Variants in HPS1 observed in about 807,000 individuals in gnomAD.
HPS1 encodes HPS1 biogenesis of lysosomal organelles complex 3 subunit 1, also known as BLOC-3 complex member HPS1.
HPS1 carries 59 observed loss-of-function variants against 90.6 expected under a neutral mutation model. The ratio of observed to expected loss-of-function variants is 0.65; its 90% CI spans 0.53 to 0.81. HPS1 has a LOEUF of 0.81. Among genes scored for constraint, HPS1 ranks in the 30% least tolerant of loss-of-function variants. The pLI is 0.00. For missense variants in HPS1, 849 were observed against 896.7 expected, an observed-to-expected ratio of 0.95 and a Z score of 0.68; for synonymous variants, 388 against 384.4, an observed-to-expected ratio of 1.01 and a Z score of -0.11.
In HPS1 at chr10:98,423,748, C is replaced by T. The variant is rs199874645; in HGVS notation, c.1532+5G>A. ...TGGCCACCCAGGGGGCCGCACTGCA[C>T]TTACCGCATGAGCCTCTGCACTTGG... On this transcript the variant is annotated splice_donor_5th_base_variant and intron_variant, in intron 15 of 19. Coordinates refer to ENST00000361490, the MANE Select transcript of HPS1 (RefSeq NM_000195.5). 2.5e-3 allele frequency: 3,969 copies of T among 1,614,122 alleles called. 18 individuals carry two copies. The highest frequency in any genetic ancestry group is 2.4e-3 in the Non-Finnish European group (2,793 of 1,180,038).
At position 98,435,422 on chromosome 10, in the gene HPS1, C is replaced by A. The variant is rs201392725; in HGVS notation, c.256-8G>T. Reference sequence around the variant, plus strand: ...GAACAGGCATTCTCCAAACTGCAGGCACAGGCAGGCCAGTGTCAGCCAGCC... The same window carrying A: ...GAACAGGCATTCTCCAAACTGCAGGAACAGGCAGGCCAGTGTCAGCCAGCC... On this transcript the variant is annotated splice_region_variant and splice_polypyrimidine_tract_variant and intron_variant, in intron 4 of 19. Coordinates refer to ENST00000361490, the MANE Select transcript of HPS1 (RefSeq NM_000195.5). This position sits in a 1 kb window ranked among gnomAD's most constrained non-coding sequence, Gnocchi z 4.3. The A allele has an allele frequency of 1.2e-6, 2 of 1,613,780 alleles. No individual in the cohort carries two copies. Among genetic ancestry groups the A allele is most frequent in the Non-Finnish European group, 1.7e-6 (2 of 1,180,022 alleles).
At chr10:98,427,298 G>A in intron 10 of HPS1, 34 bp from the exon 11 acceptor site, 1 of 1,529,420 alleles carries the variant, frequency 6.5e-7, no homozygotes, top group South Asian at 1.2e-5. Context: ...AACGATGTAA[G>A]TACCATGAGA....
chr10:98,419,655 C>A (rs1386985622), intron 18 of HPS1, among the ~76,000 whole-genome samples: 6 of 152,220 alleles, frequency 3.9e-5, no homozygotes, highest in African/African-American at 1.4e-4. Context: ...GGGGCCTATG[C>A]TCTTGAGTTC....
rs1398688722 is a variant in HPS1, at chr10:98,435,737, T to A, written c.153A>T (p.Leu51=). ...TCATGGAGGAGATGATGACCGGGGC[T>A]AGGAGGGTGCTGAGCTGGTCCTCCA... ...PALEDQLSTL[L]APVIISSMTM... Residue 51 remains leucine, a synonymous_variant, in exon 4 of 20, where the codon CTA becomes CTT. Coordinates refer to ENST00000361490, the MANE Select transcript of HPS1 (RefSeq NM_000195.5). The surrounding 1 kb of genome is among the most constrained non-coding windows in gnomAD (Gnocchi z 4.3). 9 of 1,614,046 alleles carry A rather than the reference T, an allele frequency of 5.6e-6. No individual in the cohort carries two copies. The highest frequency in any genetic ancestry group is 7.6e-6 in the Non-Finnish European group (9 of 1,180,026).
chr10:98,439,274 C>T (rs928040318), intron 3 of HPS1, among the ~76,000 whole-genome samples: 2 of 152,164 alleles, frequency 1.3e-5, no homozygotes, highest in African/African-American at 2.4e-5. Flanking sequence ...CTCTAGCCCC[C>T]AGAATGGTAG....
chr10:98,419,523 C>A (rs528864587), intron 18 of HPS1, among the ~76,000 whole-genome samples: 1 of 152,092 alleles, frequency 6.6e-6, no homozygotes, highest in Non-Finnish European at 1.5e-5. Flanking sequence ...TAAGCTCCCC[C>A]CACTGGACCC....
At chr10:98,418,012 G>A (rs770329573) in intron 19 of HPS1, 163 bp downstream of exon 19, 9 of 648,568 alleles carry the variant, frequency 1.4e-5, no homozygotes, top group East Asian at 7.9e-5. Flanking sequence ...CTCCACACCC[G>A]TCCTCCCTCG....
chr10:98,439,241 G>A (rs902407825), intron 3 of HPS1, among the ~76,000 whole-genome samples: 3 of 152,206 alleles, frequency 2.0e-5, no homozygotes, highest in Non-Finnish European at 4.4e-5. Flanking sequence ...GCCTAGTGGA[G>A]CTGTAAGAAT....
chr10:98,418,312 T>A lies in HPS1; in HGVS notation c.1858-55A>T, dbSNP rs773304376. The A allele has an allele frequency of 2.2e-4, 220 of 1,015,768 alleles. 1 individual carries two copies. The highest frequency in any genetic ancestry group is 6.4e-4 in the Middle Eastern group (3 of 4,666). 62.9% of individuals were successfully genotyped at this position (1,015,768 alleles called of 1,614,324 possible). A position where few individuals can be genotyped will look rare whatever the true frequency, so the allele number is the denominator to read the frequency against. On this transcript the variant is annotated intron_variant, in intron 18 of 19. Transcript: ENST00000361490. ...TGTGGGGGTAGTGCAAGGGCCTGAG[T>A]CAGACGCACCGGGCTTGCGGCCTGG...
At chr10:98,429,429 C>A in intron 10 of HPS1, 144 bp downstream of exon 10, 1 of 1,551,210 alleles carries the variant, frequency 6.4e-7, no homozygotes, top group Non-Finnish European at 8.7e-7. Context: ...GAGCCGCAGA[C>A]AGCGTCCTGT....
Position 98,435,151 on chromosome 10 carries a change from C to G in HPS1, c.398+121G>C. ...GGTTCACTTGAGCTGTTTCTCTGAC[C>G]TAGGGACCCAGCTGGGGGCAGTATG... On this transcript the variant is annotated intron_variant, in intron 5 of 19. Transcript: ENST00000361490. This position sits in a 1 kb window ranked among gnomAD's most constrained non-coding sequence, Gnocchi z 4.3. The G allele has an allele frequency of 8.3e-7, 1 of 1,207,254 alleles. No homozygotes were observed. The highest frequency in any genetic ancestry group is 1.2e-6 in the Non-Finnish European group (1 of 821,232). 74.8% of individuals were successfully genotyped at this position (1,207,254 alleles called of 1,614,324 possible).
At chr10:98,423,391 G>A (rs904072586) in intron 16 of HPS1, among the ~76,000 whole-genome samples, 1 of 151,952 alleles carries the variant, frequency 6.6e-6, no homozygotes, top group African/African-American at 2.4e-5. Context: ...GGGACAGGAG[G>A]AATTCCTGAA....
chr10:98,422,079 A>T (rs959362423), intron 17 of HPS1, among the ~76,000 whole-genome samples: 2 of 152,176 alleles, frequency 1.3e-5, no homozygotes, highest in Admixed American at 1.3e-4. Context: ...TTGTCATGAA[A>T]AACAGTCAGT....
rs141300497 is a variant in HPS1 at position 98,424,857 on chromosome 10, C to A, written c.1336-483G>T. Among the ~76,000 whole-genome samples the A allele has an allele frequency of 4.3e-3, 654 of 152,300 alleles. 6 individuals carry two copies. The highest frequency in any genetic ancestry group is 0.015 in the African/African-American group (634 of 41,566). ...CCCTGAGGCACTGCGGGATGTGGCACTGCCTCCTCCAGCCAATCCTGCAGC... is the reference window on the plus strand; with the variant it reads ...CCCTGAGGCACTGCGGGATGTGGCAATGCCTCCTCCAGCCAATCCTGCAGC... On this transcript the variant is annotated intron_variant, in intron 13 of 19. Transcript: ENST00000361490.
intron 16 of HPS1, among the ~76,000 whole-genome samples, chr10:98,422,833 G>C (rs1012845720): frequency 1.3e-5 from 2 of 152,228 alleles, no homozygotes; most frequent in Non-Finnish European, 2.9e-5. Flanking sequence ...TGGAGTGTGA[G>C]CACAGCCACT....
At chr10:98,420,969 AG>A (rs1844775296) in intron 17 of HPS1, among the ~76,000 whole-genome samples, 1 of 152,196 alleles carries the variant, frequency 6.6e-6, no homozygotes, top group Non-Finnish European at 1.5e-5. Context: ...ATGGAAACAC[AG>A]GGCCTGAGAA....
In HPS1 at chr10:98,420,103, A is replaced by T. The variant is rs1050404635; in HGVS notation, c.1799T>A (p.Leu600Gln). ...GTAGAAATCCCCCTCCTGGAACAGC[A>T]GCGTGGTGTAGCCCTTCTGCAGGTA... ...RRYLQKGYTT[L>Q]LFQEGDFYCS... Residue 600 changes from leucine (L) to glutamine (Q), a missense_variant, in exon 18 of 20, where the codon CTG (leucine) becomes CAG (glutamine). By Grantham distance (113) the Leu-to-Gln change is moderately radical. Transcript: ENST00000361490. 1 of 1,614,132 alleles carries T rather than the reference A, an allele frequency of 6.2e-7. No homozygotes were observed. The highest frequency in any genetic ancestry group is 8.5e-7 in the Non-Finnish European group (1 of 1,179,986).
At chr10:98,443,267 C>A (rs139915188) in intron 2 of HPS1, 27 bp from the exon 3 acceptor site, 119 of 1,545,592 alleles carry the variant, frequency 7.7e-5, no homozygotes, top group Middle Eastern at 3.4e-4. Context: ...AGGTCAAGGT[C>A]AGCCTCCAGC....
chr10:98,435,651 AG>A lies in HPS1; in HGVS notation c.238del (p.Leu80CysfsTer44), dbSNP rs1453977337. The A allele has an allele frequency of 6.2e-7, 1 of 1,614,212 alleles. No individual in the cohort carries two copies. The highest frequency in any genetic ancestry group is 8.5e-7 in the Non-Finnish European group (1 of 1,180,034). Reference protein sequence around the residue: ...TCFSTENGNFLYVLHLFGECL... With the variant: ...TCFSTENGNFXYVLHLFGECL... ...TAGACTCACCAGGTGAAGGACATAC[AG>A]GAAGTTGCCATTTTCCGTGGAGAAG... On this transcript the variant is annotated frameshift_variant, in exon 4 of 20. Coordinates refer to ENST00000361490, the MANE Select transcript of HPS1 (RefSeq NM_000195.5). LOFTEE classifies it high-confidence loss of function. The surrounding 1 kb of genome is among the most constrained non-coding windows in gnomAD (Gnocchi z 4.3).
Sources: gnomAD v4.1 joint callset for allele counts (sites outside exome capture counted in the v4.1 genomes callset) on GRCh38, gnomAD v4.1.1 for gene constraint, Gnocchi (gnomAD v3.1) non-coding constraint, MANE v1.5 for transcripts, NCBI Gene and HGNC (gene_info 2026-07-23, HGNC 2026-07-21) for gene names.